The following ENTREP2 variants were observed in gnomAD, a reference collection of about 807,000 sequenced individuals.
The protein encoded by ENTREP2 is endosomal transmembrane epsin interactor 2.
the ENTREP2 span, among the ~76,000 whole-genome samples, chr15:29,407,733 T>G: frequency 6.6e-6 from 1 of 152,088 alleles, no homozygotes; most frequent in Non-Finnish European, 1.5e-5. Context: ...AGTGGCTCGA[T>G]CTCCGCTCAC....
At chr15:29,289,259 T>C in the ENTREP2 span, among the ~76,000 whole-genome samples, 1 of 146,224 alleles carries the variant, frequency 6.8e-6, no homozygotes, top group Non-Finnish European at 1.5e-5. Flanking sequence ...CAATGGAACA[T>C]AAGGGCTTCA....
At chr15:29,360,363 C>G in the ENTREP2 span, among the ~76,000 whole-genome samples, 1 of 151,912 alleles carries the variant, frequency 6.6e-6, no homozygotes, top group Non-Finnish European at 1.5e-5. Flanking sequence ...ATGAAGACCC[C>G]AGGGCAAAGG....
chr15:29,353,881 G>A, the ENTREP2 span, among the ~76,000 whole-genome samples: 1 of 152,140 alleles, frequency 6.6e-6, no homozygotes, highest in African/African-American at 2.4e-5. Context: ...AAGAAATAGA[G>A]TCTGTACCCT....
At chr15:29,662,450 G>A in the ENTREP2 span, among the ~76,000 whole-genome samples, 1 of 152,096 alleles carries the variant, frequency 6.6e-6, no homozygotes, top group Non-Finnish European at 1.5e-5. Context: ...ATAGGATAAA[G>A]TTATATCCCA....
At chr15:29,128,797 C>T in the ENTREP2 span, 7 of 1,550,906 alleles carry the variant, frequency 4.5e-6, no homozygotes, top group Non-Finnish European at 6.1e-6. Context: ...ACCTGGAGTG[C>T]TGAAGCCAGC....
chr15:29,613,764 G>A, the ENTREP2 span: 12 of 164,124 alleles, frequency 7.3e-5, no homozygotes, highest in Non-Finnish European at 1.3e-4. Context: ...AGCTCAATTC[G>A]GACCTCTGCA....
At chr15:29,662,228 A>AG in the ENTREP2 span, among the ~76,000 whole-genome samples, 1 of 151,046 alleles carries the variant, frequency 6.6e-6, no homozygotes, top group Admixed American at 6.6e-5. Context: ...AAAAAAAAAA[A>AG]AAAAAGAAAG....
chr15:29,356,680 T>C, the ENTREP2 span, among the ~76,000 whole-genome samples: 1 of 152,020 alleles, frequency 6.6e-6, no homozygotes, highest in Non-Finnish European at 1.5e-5. Context: ...TGAGAAGATA[T>C]GCAAGTCCTC....
At chr15:29,261,223 T>G in the ENTREP2 span, among the ~76,000 whole-genome samples, 1 of 152,084 alleles carries the variant, frequency 6.6e-6, no homozygotes, top group Non-Finnish European at 1.5e-5. Flanking sequence ...AAAATAGTTT[T>G]AAAAATTAGC....
the ENTREP2 span, among the ~76,000 whole-genome samples, chr15:29,511,843 A>G: frequency 5.4e-5 from 8 of 148,182 alleles, no homozygotes; most frequent in South Asian, 1.8e-3. Context: ...AAGGCACACC[A>G]CAAGAGAAAA....
the ENTREP2 span, among the ~76,000 whole-genome samples, chr15:29,200,103 G>A: frequency 6.6e-6 from 1 of 152,000 alleles, no homozygotes; most frequent in Non-Finnish European, 1.5e-5. Context: ...CTTGATTACT[G>A]TGGCTATAAG....
the ENTREP2 span, among the ~76,000 whole-genome samples, chr15:29,281,100 A>G: frequency 1.3e-5 from 2 of 152,094 alleles, no homozygotes; most frequent in Admixed American, 6.5e-5. Flanking sequence ...CTAATTCAAC[A>G]TGGTTATTAT....
the ENTREP2 span, among the ~76,000 whole-genome samples, chr15:29,577,606 G>T: frequency 1.3e-5 from 2 of 151,922 alleles, no homozygotes; most frequent in Non-Finnish European, 2.9e-5. Flanking sequence ...CACCTGTCTT[G>T]GCCTCCTGAA....
At chr15:29,477,595 T>C in the ENTREP2 span, among the ~76,000 whole-genome samples, 1 of 152,160 alleles carries the variant, frequency 6.6e-6, no homozygotes, top group African/African-American at 2.4e-5. Context: ...CAGTGGTCTC[T>C]GGTACTCTGC....
the ENTREP2 span, among the ~76,000 whole-genome samples, chr15:29,274,135 C>T: frequency 6.6e-6 from 1 of 152,092 alleles, no homozygotes; most frequent in Non-Finnish European, 1.5e-5. Context: ...TTCAGGTATC[C>T]ACTGAGGGTC....
the ENTREP2 span, among the ~76,000 whole-genome samples, chr15:29,288,961 AC>A: frequency 1.3e-5 from 2 of 152,170 alleles, no homozygotes; most frequent in African/African-American, 4.8e-5. Flanking sequence ...TAATTCCAGA[AC>A]TTTGGAAGGC....
At chr15:29,477,843 A>G in the ENTREP2 span, among the ~76,000 whole-genome samples, 1 of 151,816 alleles carries the variant, frequency 6.6e-6, no homozygotes, top group Admixed American at 6.6e-5. Context: ...AATGGACTGG[A>G]TGGCCCTCAC....
the ENTREP2 span, among the ~76,000 whole-genome samples, chr15:29,490,327 A>G: frequency 1.3e-5 from 2 of 152,218 alleles, no homozygotes; most frequent in Admixed American, 6.5e-5. Context: ...GGTAATACAG[A>G]GCCTAAGAGT....
At chr15:29,629,706 A>G in the ENTREP2 span, among the ~76,000 whole-genome samples, 1 of 152,174 alleles carries the variant, frequency 6.6e-6, no homozygotes, top group Admixed American at 6.5e-5. Context: ...AGGATAGTCT[A>G]TTACGTTTGC....
Sources: allele counts gnomAD v4.1 joint callset (sites outside exome capture counted in the v4.1 genomes callset), GRCh38; gene constraint gnomAD v4.1.1; transcripts MANE v1.5; gene names NCBI Gene and HGNC (gene_info 2026-07-23, HGNC 2026-07-21).